PRKAG1: variants seen among roughly 807,000 people sequenced by gnomAD.
PRKAG1 encodes the protein protein kinase AMP-activated non-catalytic subunit gamma 1.
PRKAG1 carries 27 observed loss-of-function variants against 48.2 expected under a neutral mutation model. The ratio of observed to expected loss-of-function variants is 0.56; its 90% confidence interval spans 0.41 to 0.77. The LOEUF is 0.77. Ranked by LOEUF, PRKAG1 falls within the 30% of genes least tolerant of loss-of-function variation. PRKAG1 has a pLI of 0.00. For missense variants in PRKAG1, 287 were observed against 398.3 expected (o/e 0.72, Z 2.38); for synonymous variants, 130 against 147.7 (o/e 0.88, Z 0.87).
chr12:49,010,689 T>A (rs963387262), intron 2 of PRKAG1, among the ~76,000 whole-genome samples: 2 of 152,184 alleles, frequency 1.3e-5, no homozygotes, highest in African/African-American at 4.8e-5. Flanking sequence ...CAGGTCTAAG[T>A]CATTCATCAC....
In PRKAG1 at chr12:49,005,577, A is replaced by C; in HGVS notation, c.169-34T>G. 6.2e-7 allele frequency: 1 copy of C among 1,614,086 alleles called. No individual in the cohort carries two copies. Among genetic ancestry groups the C allele is most frequent in the Non-Finnish European group, 8.5e-7 (1 of 1,180,034 alleles). On this transcript the variant is annotated intron_variant, in intron 3 of 11. Coordinates refer to ENST00000548065, the MANE Select transcript of PRKAG1 (RefSeq NM_002733.5). This position sits in a 1 kb window ranked among gnomAD's most constrained non-coding sequence, Gnocchi z 4.1. ...AAGACAGTAATAATCATAAAGGCAAATCCACAGGGGCAGGACTGTAAAAAA... is the reference window on the plus strand; with the variant it reads ...AAGACAGTAATAATCATAAAGGCAACTCCACAGGGGCAGGACTGTAAAAAA...
chr12:49,016,366 A>G (rs527437564), intron 1 of PRKAG1, among the ~76,000 whole-genome samples: 46 of 152,394 alleles, frequency 3.0e-4, no homozygotes, highest in African/African-American at 1.0e-3. Flanking sequence ...CTTCTGATCT[A>G]CATTTCCAAT....
chr12:49,004,535 T>C lies in PRKAG1; in HGVS notation c.509A>G (p.Lys170Arg). 1 of 1,614,124 alleles carries C rather than the reference T, an allele frequency of 6.2e-7. No homozygotes were observed. The highest frequency in any genetic ancestry group is 8.5e-7 in the Non-Finnish European group (1 of 1,180,016). ...SGNTLYILTH[K>R]RILKFLKLFI... ...CAATTTGAGGAACTTCAGAATGCGCTTGTGGGTGAGGATGTACAAAGTATT... is the reference window on the plus strand; with the variant it reads ...CAATTTGAGGAACTTCAGAATGCGCCTGTGGGTGAGGATGTACAAAGTATT... The change falls in exon 8 of 12, where the codon AAG becomes AGG. Residue 170 changes from lysine to arginine, a missense_variant. Lys to Arg is a conservative substitution (Grantham distance 26). Transcript: ENST00000548065.
At chr12:49,014,028 C>T (rs1565740416) in intron 1 of PRKAG1, among the ~76,000 whole-genome samples, 1 of 151,990 alleles carries the variant, frequency 6.6e-6, no homozygotes, top group Non-Finnish European at 1.5e-5. Flanking sequence ...GAATTACAGG[C>T]GTGCACCACC....
Position 49,005,689 on chromosome 12 carries a change from G to C in PRKAG1, c.168+54C>G. ...TTACCCTTAGGATGAGATAGGATGA[G>C]AGGTATTAAACCACAGGCTCCAAAG... On this transcript the variant is annotated intron_variant, in intron 3 of 11. Transcript: ENST00000548065. This position sits in a 1 kb window ranked among gnomAD's most constrained non-coding sequence, Gnocchi z 4.1. 6.2e-7 allele frequency: 1 copy of C among 1,607,654 alleles called. No homozygotes were observed. Among genetic ancestry groups the C allele is most frequent in the Non-Finnish European group, 8.5e-7 (1 of 1,174,356 alleles).
intron 2 of PRKAG1, 55 bp downstream of exon 2, chr12:49,013,007 T>A: frequency 6.6e-7 from 1 of 1,504,388 alleles, no homozygotes; most frequent in Non-Finnish European, 9.2e-7. Flanking sequence ...TTGAAGACAT[T>A]GTTAGGGTCA....
Position 49,002,311 on chromosome 12 carries a change from C to G in PRKAG1, c.*588G>C, listed in dbSNP as rs955746426. On this transcript the variant is annotated 3_prime_UTR_variant, in exon 12 of 12. Transcript: ENST00000548065. ...TCCTGTCATTTAATTAGATTTGCCA[C>G]AAAAAGCAATAACCTTAGCTAACCA... 1 of 175,382 alleles carries G rather than the reference C, an allele frequency of 5.7e-6. No homozygotes were observed. Among genetic ancestry groups the G allele is most frequent in the African/African-American group, 2.4e-5 (1 of 41,712 alleles). 10.9% of individuals were successfully genotyped at this position (175,382 alleles called of 1,614,324 possible). A position where few individuals can be genotyped will look rare whatever the true frequency, so the allele number is the denominator to read the frequency against.
Position 49,003,919 on chromosome 12 carries a change from T to G in PRKAG1, c.541A>C (p.Thr181Pro). ...RILKFLKLFI[T>P]EFPKPEFMSK... ...ATGAACTCTGGCTTGGGGAACTCAG[T>G]GATCTGAGGAAAGAACCATCAGCTT... The change falls in exon 9 of 12, where the codon ACT becomes CCT. Residue 181 changes from threonine (T) to proline (P), a missense_variant. Around this residue, in one of 2 missense-constraint regions of PRKAG1, gnomAD observed 224 missense variants for 344.3 expected, o/e 0.65. Transcript: ENST00000548065. The G allele has an allele frequency of 6.3e-7, 1 of 1,594,618 alleles. No individual in the cohort carries two copies. The highest frequency in any genetic ancestry group is 8.5e-7 in the Non-Finnish European group (1 of 1,169,592).
intron 2 of PRKAG1, among the ~76,000 whole-genome samples, chr12:49,011,934 T>C (rs546848944): frequency 6.6e-6 from 1 of 151,456 alleles, no homozygotes; most frequent in South Asian, 2.1e-4. Context: ...CTCGGCTCAC[T>C]GCAACCTCTG....
At chr12:49,006,375 TA>T (rs1000763192) in intron 2 of PRKAG1, among the ~76,000 whole-genome samples, 7 of 149,802 alleles carry the variant, frequency 4.7e-5, no homozygotes, top group East Asian at 2.0e-4. Flanking sequence ...CTGTCTCAAT[TA>T]AAAAAAAAAT....
Position 49,013,059 on chromosome 12 carries a change from T to C in PRKAG1, c.58+3A>G. On this transcript the variant is annotated splice_donor_region_variant and intron_variant, in intron 2 of 11. Transcript: ENST00000548065. ...CCCAGTTTCCTTTCTTCAGTAAACTTACCTTGAGGATGCTCATTTTCCACA... is the reference window on the plus strand; with the variant it reads ...CCCAGTTTCCTTTCTTCAGTAAACTCACCTTGAGGATGCTCATTTTCCACA... 1 of 1,611,556 alleles carries C rather than the reference T, an allele frequency of 6.2e-7. No homozygotes were observed. The highest frequency in any genetic ancestry group is 8.5e-7 in the Non-Finnish European group (1 of 1,177,690).
Position 49,007,723 on chromosome 12 carries a change from T to G in PRKAG1, c.59-1871A>C, listed in dbSNP as rs191049492. On this transcript the variant is annotated intron_variant, in intron 2 of 11. Coordinates refer to ENST00000548065, the MANE Select transcript of PRKAG1 (RefSeq NM_002733.5). ...TTTTTTTTTCATTTTGGGGCATTAT[T>G]TATCATCTATCTACCAAAGAAGATG... 3.3e-5 allele frequency among the ~76,000 whole-genome samples: 5 copies of G among 152,234 alleles called. No individual in the cohort carries two copies. The East Asian group carries it at 9.6e-4, about 29-fold the overall frequency.
chr12:49,003,000 G>A lies in PRKAG1; in HGVS notation c.895C>T (p.Arg299Ter), dbSNP rs530448008. The change falls in exon 12 of 12, where the codon CGA becomes TGA. Residue 299 changes from arginine (R) to a stop codon, truncating the protein, a stop_gained. Transcript: ENST00000548065. LOFTEE classifies it high-confidence loss of function. ...INRLVEAEVH[R>*]LVVVDENDVV... ...TCATTTTCATCCACCACTACAAGTC[G>A]GTGAACCTGGCACAGAGCAACAAGG... 6.2e-6 allele frequency: 10 copies of A among 1,614,098 alleles called. No homozygotes were observed. Among genetic ancestry groups the A allele is most frequent in the East Asian group, 2.2e-5 (1 of 44,880 alleles).
intron 1 of PRKAG1, chr12:49,018,304 A>T: frequency 3.4e-6 from 1 of 297,754 alleles, no homozygotes. Flanking sequence ...TGCAGGGATC[A>T]CAGAAAGACC....
Position 49,005,388 on chromosome 12 carries a change from A to G in PRKAG1, c.251-24T>C. ...GCCTAGAGGACAAGACAGAGCCCTC[A>G]GCACTGCCTGAAGCTTGTCTCCCTG... On this transcript the variant is annotated intron_variant, in intron 4 of 11. Transcript: ENST00000548065. The surrounding 1 kb of genome is among the most constrained non-coding windows in gnomAD (Gnocchi z 4.1). 1.2e-6 allele frequency: 2 copies of G among 1,614,122 alleles called. No homozygotes were observed. Among genetic ancestry groups the G allele is most frequent in the Non-Finnish European group, 1.7e-6 (2 of 1,180,030 alleles).
At chr12:49,008,883 G>A (rs998090683) in intron 2 of PRKAG1, among the ~76,000 whole-genome samples, 2 of 152,148 alleles carry the variant, frequency 1.3e-5, no homozygotes, top group African/African-American at 4.8e-5. Context: ...ATCTCAGGAT[G>A]ACTGTGCTTT....
chr12:49,015,604 G>A (rs903238976), intron 1 of PRKAG1, among the ~76,000 whole-genome samples: 1 of 151,998 alleles, frequency 6.6e-6, no homozygotes, highest in East Asian at 1.9e-4. Flanking sequence ...GCAGAGTCTC[G>A]CTGTGTCTCC....
intron 1 of PRKAG1, chr12:49,017,317 G>A: frequency 1.4e-5 from 6 of 417,736 alleles, no homozygotes; most frequent in South Asian, 8.7e-5. Flanking sequence ...CCTCCCACCT[G>A]AGCCTCCCGA....
At chr12:49,014,475 T>C (rs1215924883) in intron 1 of PRKAG1, among the ~76,000 whole-genome samples, 3 of 152,194 alleles carry the variant, frequency 2.0e-5, no homozygotes, top group Non-Finnish European at 2.9e-5. Flanking sequence ...AGAGACAGCA[T>C]TGTCTTCCCC....
Sources: gnomAD v4.1 joint callset for allele counts (sites outside exome capture counted in the v4.1 genomes callset) on GRCh38, gnomAD v4.1.1 for gene constraint, gnomAD v4.1.1 regional missense constraint, Gnocchi (gnomAD v3.1) non-coding constraint, MANE v1.5 for transcripts, NCBI Gene and HGNC (gene_info 2026-07-23, HGNC 2026-07-21) for gene names.